The following TTLL1 variants were observed in gnomAD, a reference collection of about 807,000 sequenced individuals.
TTLL1 encodes polyglutamylase complex subunit TTLL1.
Under a neutral mutation model 47.8 loss-of-function variants are expected in TTLL1, and 33 were observed. The ratio of observed to expected loss-of-function variants is 0.69; its 90% confidence interval spans 0.52 to 0.92. The LOEUF (loss-of-function observed/expected upper bound fraction) is 0.92, where lower values mean the gene tolerates loss of function less well. TTLL1 is among the 40% of genes least tolerant of loss of function. TTLL1 has a pLI of 0.00. For synonymous variants in TTLL1, 225 were observed against 214.1 expected (o/e 1.05, Z -0.45); for missense variants, 488 against 547.5 (o/e 0.89, Z 1.08).
chr22:43,061,488 C>T (rs1371576954), intron 7 of TTLL1, among the ~76,000 whole-genome samples: 1 of 152,224 alleles, frequency 6.6e-6, no homozygotes, highest in Non-Finnish European at 1.5e-5. Flanking sequence ...GCAGGTTCTT[C>T]AGAAATGCAT....
intron 2 of TTLL1, among the ~76,000 whole-genome samples, chr22:43,077,310 C>T (rs571895129): frequency 3.9e-5 from 6 of 152,280 alleles, no homozygotes; most frequent in Admixed American, 2.6e-4. Context: ...TGGGCCCCTC[C>T]GCCTGCAGCA....
intron 9 of TTLL1, among the ~76,000 whole-genome samples, chr22:43,050,585 C>T (rs1254953482): frequency 4.6e-5 from 7 of 150,936 alleles, no homozygotes; most frequent in East Asian, 3.9e-4. Flanking sequence ...TGCAGTGGCG[C>T]GATCTCAGCT....
intron 7 of TTLL1, among the ~76,000 whole-genome samples, chr22:43,060,995 A>C (rs1414110118): frequency 6.6e-6 from 1 of 152,148 alleles, no homozygotes; most frequent in Non-Finnish European, 1.5e-5. Context: ...CAGGAGTTCG[A>C]GACCAGCCTG....
At chr22:43,057,387 G>A (rs1054636833) in intron 8 of TTLL1, among the ~76,000 whole-genome samples, 1 of 152,066 alleles carries the variant, frequency 6.6e-6, no homozygotes, top group African/African-American at 2.4e-5. Context: ...TGGGATTACA[G>A]GCGTGAGCCA....
chr22:43,064,144 G>C (rs777845748), intron 6 of TTLL1, 46 bp downstream of exon 6: 2 of 1,592,068 alleles, frequency 1.3e-6, no homozygotes, highest in Admixed American at 1.8e-5. Context: ...AGACGTTTTG[G>C]GTGAAAACAC....
At chr22:43,054,581 C>T (rs1009185710) in intron 8 of TTLL1, among the ~76,000 whole-genome samples, 1 of 152,056 alleles carries the variant, frequency 6.6e-6, no homozygotes, top group East Asian at 1.9e-4. Flanking sequence ...TGCGCCACCA[C>T]ACCCAGCTAA....
At chr22:43,050,289 G>A (rs1481779720) in intron 9 of TTLL1, among the ~76,000 whole-genome samples, 13 of 138,892 alleles carry the variant, frequency 9.4e-5, no homozygotes, top group Middle Eastern at 5.6e-3. Context: ...GGTGGTGCAC[G>A]CCTGTAATCC....
intron 5 of TTLL1, among the ~76,000 whole-genome samples, 177 bp from the exon 6 acceptor site, chr22:43,064,501 G>C (rs968550516): frequency 3.3e-5 from 5 of 152,104 alleles, no homozygotes; most frequent in Admixed American, 6.6e-5. Context: ...GAGGCGGGTG[G>C]ATCACTTCAG....
At chr22:43,045,161 A>AGT (rs1926015397) in intron 10 of TTLL1, among the ~76,000 whole-genome samples, 1 of 151,702 alleles carries the variant, frequency 6.6e-6, no homozygotes, top group Non-Finnish European at 1.5e-5. Flanking sequence ...ACGCCCAGCC[A>AGT]GGTCAATCTT....
intron 6 of TTLL1, 110 bp from the exon 7 acceptor site, chr22:43,064,031 A>G: frequency 2.0e-6 from 3 of 1,477,962 alleles, no homozygotes; most frequent in Non-Finnish European, 2.8e-6. Context: ...CACGACTCAC[A>G]TCGGCATCGG....
intron 8 of TTLL1, among the ~76,000 whole-genome samples, chr22:43,056,372 GAA>G (rs970858598): frequency 3.3e-5 from 3 of 90,974 alleles, no homozygotes; most frequent in Non-Finnish European, 7.0e-5. Context: ...AAAAAAAATT[GAA>G]AAAAAAAAAA....
intron 1 of TTLL1, among the ~76,000 whole-genome samples, chr22:43,088,318 G>A (rs944904230): frequency 1.6e-5 from 2 of 128,544 alleles, no homozygotes; most frequent in Non-Finnish European, 1.6e-5. Flanking sequence ...GCAGAGAAGG[G>A]CCCATCTTTT....
At chr22:43,088,097 G>A (rs1162377991) in intron 1 of TTLL1, among the ~76,000 whole-genome samples, 4 of 151,398 alleles carry the variant, frequency 2.6e-5, no homozygotes, top group Non-Finnish European at 4.4e-5. Context: ...GCAGTGAGCC[G>A]AGAGCGACCG....
chr22:43,046,409 C>T lies in TTLL1; in HGVS notation c.1142+1G>A. On this transcript the variant is annotated splice_donor_variant, in intron 10 of 10. Transcript: ENST00000266254. LOFTEE classifies it high-confidence loss of function. ...AAGCGCACAGTCACACACACACTTA[C>T]AGAATCTCGTAATTGCCGAGGACTT... The T allele has an allele frequency of 1.9e-6, 3 of 1,614,028 alleles. No individual in the cohort carries two copies. Among genetic ancestry groups the T allele is most frequent in the Non-Finnish European group, 2.5e-6 (3 of 1,179,970 alleles).
chr22:43,053,993 C>A (rs1376661131), intron 8 of TTLL1, among the ~76,000 whole-genome samples: 2 of 152,236 alleles, frequency 1.3e-5, no homozygotes, highest in East Asian at 3.8e-4. Context: ...CGGTATTTAA[C>A]CCTTCCCAAT....
intron 8 of TTLL1, among the ~76,000 whole-genome samples, chr22:43,057,201 G>C (rs117659059): frequency 6.6e-6 from 1 of 151,538 alleles, no homozygotes. Context: ...ACCAGGGATC[G>C]GAGGCTGCAG....
At position 43,046,497 on chromosome 22, in the gene TTLL1, AG is replaced by A; in HGVS notation, c.1054del (p.Leu352SerfsTer45). 6.2e-7 allele frequency: 1 copy of A among 1,614,052 alleles called. No homozygotes were observed. The highest frequency in any genetic ancestry group is 1.1e-5 in the South Asian group (1 of 91,074). On this transcript the variant is annotated frameshift_variant, in exon 10 of 11. Coordinates refer to ENST00000266254, the MANE Select transcript of TTLL1 (RefSeq NM_012263.5). LOFTEE classifies it high-confidence loss of function. ...TTCACCATTCGGGACGGCGATGTTG[AG>A]GGTGTCATTAATCAGGTTGTACTTG... The part of the protein sequence containing the change: ...ILKYNLINDT[L>X]NIAVPNGEIP...
In TTLL1 at chr22:43,069,654, C is replaced by T; in HGVS notation, c.304G>A (p.Gly102Arg). ...CACAAACCCAGATAGAGGTATTTTC[C>T]ATTTTCATCTTTTTCTGCCAGAGGA... ...GSPLAEKDENGKYLYLDFVPV... is the reference protein window; with the variant it reads ...GSPLAEKDENRKYLYLDFVPV... The change falls in exon 4 of 11, where the codon GGA (glycine) becomes AGA (arginine). Residue 102 changes from glycine to arginine, a missense_variant. Transcript: ENST00000266254. 1 of 1,614,186 alleles carries T rather than the reference C, an allele frequency of 6.2e-7. No individual in the cohort carries two copies. The highest frequency in any genetic ancestry group is 8.5e-7 in the Non-Finnish European group (1 of 1,180,032).
At position 43,064,900 on chromosome 22, in the gene TTLL1, C is replaced by A. The variant is rs576492184; in HGVS notation, c.504-576G>T. Among the ~76,000 whole-genome samples the A allele has an allele frequency of 1.1e-4, 17 of 152,018 alleles. No homozygotes were observed. In the East Asian group the frequency reaches 3.3e-3, roughly 30 times the overall value. On this transcript the variant is annotated intron_variant, in intron 5 of 10. Transcript: ENST00000266254. ...GTGGCTCACGCCTGTAATCCCAGCA[C>A]TTTGGGAGGCCGAGGCGGGTGGATC...
Sources: gnomAD v4.1 joint callset for allele counts (sites outside exome capture counted in the v4.1 genomes callset) on GRCh38, gnomAD v4.1.1 for gene constraint, MANE v1.5 for transcripts, NCBI Gene and HGNC (gene_info 2026-07-23, HGNC 2026-07-21) for gene names.